SLC35A3: variants seen among roughly 807,000 people sequenced by gnomAD.
SLC35A3 encodes UDP-N-acetylglucosamine transporter.
Under a neutral mutation model 39.0 loss-of-function variants are expected in SLC35A3, and 26 were observed. The observed-to-expected ratio is 0.67, with a 90% CI of 0.49 to 0.92. SLC35A3 has a LOEUF of 0.92. Ranked by LOEUF, SLC35A3 falls within the 40% of genes least tolerant of loss-of-function variation. The probability of loss-of-function intolerance (pLI) is 0.00; values close to 1 mark genes in which losing one functional copy is unlikely to be tolerated. For synonymous variants in SLC35A3, 135 were observed against 133.1 expected (o/e 1.01, Z -0.10); for missense variants, 299 against 371.6 (o/e 0.80, Z 1.61).
In SLC35A3 at chr1:100,024,735, C is replaced by T. The variant is rs1570636345; in HGVS notation, c.*2259C>T. ...CCTGGTTCAAGGGATTCTCCTGCCT[C>T]AGCCTCTGAGTAGCTGGGATTGCAG... On this transcript the variant is annotated 3_prime_UTR_variant, in exon 8 of 8. Transcript: ENST00000533028. 2 of 395,740 alleles carry T rather than the reference C, an allele frequency of 5.1e-6. No homozygotes were observed. Among genetic ancestry groups the T allele is most frequent in the East Asian group, 7.2e-5 (2 of 27,786 alleles). The allele number at this position is 395,740 out of a possible 1,614,324, so 24.5% of individuals were successfully genotyped here. A position where few individuals can be genotyped will look rare whatever the true frequency, so the allele number is the denominator to read the frequency against.
At chr1:99,974,208 A>G (rs1249894136) in intron 1 of SLC35A3, among the ~76,000 whole-genome samples, 1 of 152,210 alleles carries the variant, frequency 6.6e-6, no homozygotes, top group East Asian at 1.9e-4. Context: ...CAGCATTTCT[A>G]ATAGTATTTT....
intron 1 of SLC35A3, among the ~76,000 whole-genome samples, chr1:99,973,546 C>T (rs1656935744): frequency 6.6e-6 from 1 of 152,174 alleles, no homozygotes; most frequent in East Asian, 1.9e-4. Flanking sequence ...TGTTGCTTGG[C>T]TTCTCTATCC....
chr1:100,004,879 C>T (rs1340471507), intron 3 of SLC35A3, among the ~76,000 whole-genome samples: 3 of 152,018 alleles, frequency 2.0e-5, no homozygotes, highest in Non-Finnish European at 4.4e-5. Flanking sequence ...AGCTAGACCA[C>T]AATCGCACTC....
Position 100,021,316 on chromosome 1 carries a change from A to C in SLC35A3, c.888-1070A>C, listed in dbSNP as rs548956583. Among the ~76,000 whole-genome samples, 11 of 151,748 alleles carry C rather than the reference A, an allele frequency of 7.2e-5. No homozygotes were observed. In the South Asian group the frequency reaches 1.9e-3, roughly 26 times the overall value. On this transcript the variant is annotated intron_variant, in intron 7 of 7. Coordinates refer to ENST00000533028, the MANE Select transcript of SLC35A3 (RefSeq NM_012243.3). ...GAGGCGGAGGTTGCAGTGAGCCGAG[A>C]TCACACCACTGCACTCCAGCCTGGG...
At chr1:99,970,912 T>C (rs993410004) in intron 1 of SLC35A3, among the ~76,000 whole-genome samples, 6 of 152,232 alleles carry the variant, frequency 3.9e-5, no homozygotes, top group Non-Finnish European at 5.9e-5. Context: ...TGTAAACTTA[T>C]ATTTCTGAGG....
intron 1 of SLC35A3, among the ~76,000 whole-genome samples, chr1:99,972,374 G>A (rs1008795712): frequency 1.3e-4 from 18 of 135,444 alleles, no homozygotes; most frequent in Admixed American, 4.8e-4. Context: ...GCTCTGTCAC[G>A]CAGGCTGGAG....
At chr1:99,999,016 T>C (rs1444222501) in intron 2 of SLC35A3, among the ~76,000 whole-genome samples, 1 of 152,190 alleles carries the variant, frequency 6.6e-6, no homozygotes, top group Non-Finnish European at 1.5e-5. Flanking sequence ...TATATATACA[T>C]ATATGTAGAT....
intron 1 of SLC35A3, among the ~76,000 whole-genome samples, chr1:99,970,972 A>T (rs1268341650): frequency 6.6e-6 from 1 of 152,134 alleles, no homozygotes. Flanking sequence ...TCTCAAATTT[A>T]GTTCTCCCCT....
At chr1:99,998,103 G>A (rs964224745) in intron 2 of SLC35A3, among the ~76,000 whole-genome samples, 1 of 151,760 alleles carries the variant, frequency 6.6e-6, no homozygotes, top group African/African-American at 2.4e-5. Flanking sequence ...CTGGTTGGCA[G>A]CCTGTGCCAG....
At position 100,023,772 on chromosome 1, in the gene SLC35A3, G is replaced by C. The variant is rs1327016305; in HGVS notation, c.*1296G>C. 6.6e-6 allele frequency: 1 copy of C among 152,232 alleles called. No individual in the cohort carries two copies. The highest frequency in any genetic ancestry group is 1.5e-5 in the Non-Finnish European group (1 of 68,090). 9.4% of individuals were successfully genotyped at this position (152,232 alleles called of 1,614,324 possible). A position where few individuals can be genotyped will look rare whatever the true frequency, so the allele number is the denominator to read the frequency against. On this transcript the variant is annotated 3_prime_UTR_variant, in exon 8 of 8. Coordinates refer to ENST00000533028, the MANE Select transcript of SLC35A3 (RefSeq NM_012243.3). Reference sequence around the variant, plus strand: ...GCCTGTAATCCTAGCAGTTTGGGAGGCTGAGGCAGGTGGATCACAAGGTCA... The same window carrying C: ...GCCTGTAATCCTAGCAGTTTGGGAGCCTGAGGCAGGTGGATCACAAGGTCA...
chr1:99,970,502 C>T (rs775528278), intron 1 of SLC35A3: 9 of 1,496,682 alleles, frequency 6.0e-6, no homozygotes, highest in Admixed American at 2.0e-5. Context: ...CGGGTGGGCC[C>T]GGCTGGGGCC....
Position 100,022,618 on chromosome 1 carries a change from A to C in SLC35A3, c.*142A>C, listed in dbSNP as rs1399320439. ...ACTGTTTTTTAAAAGTTTAAGGATA[A>C]GACATGTGTATATGTAACAAAACAC... On this transcript the variant is annotated 3_prime_UTR_variant, in exon 8 of 8. Coordinates refer to ENST00000533028, the MANE Select transcript of SLC35A3 (RefSeq NM_012243.3). 2 of 459,412 alleles carry C rather than the reference A, an allele frequency of 4.4e-6. No homozygotes were observed. The highest frequency in any genetic ancestry group is 4.0e-5 in the African/African-American group (2 of 49,584). 28.5% of individuals were successfully genotyped at this position (459,412 alleles called of 1,614,324 possible). A position where few individuals can be genotyped will look rare whatever the true frequency, so the allele number is the denominator to read the frequency against.
chr1:100,007,153 A>G lies in SLC35A3; in HGVS notation c.462A>G (p.Val154=), dbSNP rs1659292291. 1.9e-6 allele frequency: 3 copies of G among 1,605,684 alleles called. No individual in the cohort carries two copies. In the South Asian group the frequency reaches 3.4e-5, roughly 18 times the overall value. ...LVILMTGVAF[V]QWPSDSQLDS... ...TTTTGATGACAGGAGTTGCTTTTGT[A>G]CAGGTAACTATTCAAGATAAGTATA... The change falls in exon 4 of 8, where the codon GTA becomes GTG. Residue 154 remains valine (V), a synonymous_variant. Coordinates refer to ENST00000533028, the MANE Select transcript of SLC35A3 (RefSeq NM_012243.3).
At chr1:100,022,310 TA>T (rs777820033) in intron 7 of SLC35A3, 75 bp from the exon 8 acceptor site, 1 of 734,556 alleles carries the variant, frequency 1.4e-6, no homozygotes, top group Non-Finnish European at 2.3e-6. Context: ...ATTGTTTTTA[TA>T]GTAAAGAAAT....
At chr1:100,021,381 A>G (rs1660528719) in intron 7 of SLC35A3, among the ~76,000 whole-genome samples, 1 of 151,998 alleles carries the variant, frequency 6.6e-6, no homozygotes, top group Admixed American at 6.6e-5. Context: ...TAAATAAATA[A>G]AAGTTAAGAT....
At chr1:99,998,078 C>G (rs2101181683) in intron 2 of SLC35A3, among the ~76,000 whole-genome samples, 1 of 152,080 alleles carries the variant, frequency 6.6e-6, no homozygotes, top group South Asian at 2.1e-4. Flanking sequence ...GAAGAATAAG[C>G]CTTCTTCCAG....
At chr1:100,002,768 T>A (rs2101240071) in intron 3 of SLC35A3, among the ~76,000 whole-genome samples, 1 of 149,294 alleles carries the variant, frequency 6.7e-6, no homozygotes, top group African/African-American at 2.5e-5. Flanking sequence ...AGGCATGTGC[T>A]ACCATGCCGG....
At chr1:99,978,224 G>A (rs1657238699) in intron 1 of SLC35A3, among the ~76,000 whole-genome samples, 1 of 152,124 alleles carries the variant, frequency 6.6e-6, no homozygotes, top group Admixed American at 6.5e-5. Flanking sequence ...ACCTAGCTAT[G>A]TTTTTTAAAA....
rs1004084106 is a variant in SLC35A3, at chr1:100,026,837, T to A, written c.*4361T>A. 8 of 201,528 alleles carry A rather than the reference T, an allele frequency of 4.0e-5. No homozygotes were observed. The highest frequency in any genetic ancestry group is 1.2e-4 in the Admixed American group (2 of 16,870). The allele number at this position is 201,528 out of a possible 1,614,324, so 12.5% of individuals were successfully genotyped here. A position where few individuals can be genotyped will look rare whatever the true frequency, so the allele number is the denominator to read the frequency against. On this transcript the variant is annotated 3_prime_UTR_variant, in exon 8 of 8. Transcript: ENST00000533028. ...TGTATATTTAAATTTTTTATGGACA[T>A]AATTCAAAGGAATGTATAAATTGGT...
Sources: gnomAD v4.1 joint callset for allele counts (sites outside exome capture counted in the v4.1 genomes callset) on GRCh38, gnomAD v4.1.1 for gene constraint, MANE v1.5 for transcripts, NCBI Gene and HGNC (gene_info 2026-07-23, HGNC 2026-07-21) for gene names.